PDZRN4: variants seen among roughly 807,000 people sequenced by gnomAD.
PDZRN4 encodes PDZ domain containing ring finger 4.
A neutral mutation model predicts 99.0 loss-of-function variants in PDZRN4; 70 were observed. That is an observed-to-expected ratio of 0.71 (90% confidence interval 0.58 to 0.86). PDZRN4 has a LOEUF of 0.86. Among genes scored for constraint, PDZRN4 ranks in the 40% least tolerant of loss-of-function variants. The pLI, the probability that PDZRN4 is intolerant of heterozygous loss-of-function variation, is 0.00. For synonymous variants in PDZRN4, 551 were observed against 501.6 expected (o/e 1.10, Z -1.32); for missense variants, 1,474 against 1,331.2 (o/e 1.11, Z -1.67).
intron 7 of PDZRN4, among the ~76,000 whole-genome samples, chr12:41,557,480 C>T (rs1289532641): frequency 6.6e-6 from 1 of 152,118 alleles, no homozygotes; most frequent in Non-Finnish European, 1.5e-5. Context: ...TTGGAGCACA[C>T]CATCTCTGTT....
intron 3 of PDZRN4, among the ~76,000 whole-genome samples, chr12:41,227,876 TACACACACACACACAC>T (rs138441771): frequency 6.4e-5 from 6 of 94,226 alleles, no homozygotes; most frequent in South Asian, 4.3e-4. Flanking sequence ...AGCAAAAATC[TACACACACACACACAC>T]ACACACACAC....
intron 3 of PDZRN4, among the ~76,000 whole-genome samples, chr12:41,215,837 G>T (rs1252512147): frequency 7.7e-6 from 1 of 130,494 alleles, no homozygotes; most frequent in South Asian, 2.8e-4. Flanking sequence ...TCATAAACAC[G>T]CTAAGCCTCC....
chr12:41,330,138 T>C (rs1322629045), intron 3 of PDZRN4, among the ~76,000 whole-genome samples: 1 of 152,152 alleles, frequency 6.6e-6, no homozygotes, highest in Non-Finnish European at 1.5e-5. Flanking sequence ...TTTATGTTAC[T>C]TTTATGCTTC....
intron 5 of PDZRN4, among the ~76,000 whole-genome samples, chr12:41,530,618 T>C (rs1938644562): frequency 6.6e-6 from 1 of 152,240 alleles, no homozygotes; most frequent in Admixed American, 6.5e-5. Flanking sequence ...TAGAGTTCTC[T>C]GGGGGAACTC....
intron 3 of PDZRN4, among the ~76,000 whole-genome samples, chr12:41,362,720 AT>A (rs1447344113): frequency 6.6e-6 from 1 of 152,060 alleles, no homozygotes; most frequent in African/African-American, 2.4e-5. Flanking sequence ...CAGGGAAGTG[AT>A]GGGAAGCAGC....
chr12:41,571,374 TCTCACA>T (rs766969501), intron 9 of PDZRN4, among the ~76,000 whole-genome samples: 2,454 of 60,394 alleles, frequency 0.041, 13 homozygotes, highest in East Asian at 0.073. Flanking sequence ...TCTCTCTCTC[TCTCACA>T]CACACACACA....
At chr12:41,267,020 C>A (rs1365326928) in intron 3 of PDZRN4, among the ~76,000 whole-genome samples, 1 of 152,154 alleles carries the variant, frequency 6.6e-6, no homozygotes, top group Non-Finnish European at 1.5e-5. Flanking sequence ...TGCATCAAAG[C>A]ATTCTTTGCT....
At position 41,194,123 on chromosome 12, in the gene PDZRN4, A is replaced by T. The variant is rs537779418; in HGVS notation, c.778A>T (p.Lys260Ter). The T allele has an allele frequency of 6.4e-7, 1 of 1,573,062 alleles. No individual in the cohort carries two copies. The highest frequency in any genetic ancestry group is 1.7e-5 in the Admixed American group (1 of 59,950). Residue 260 changes from lysine (K) to a stop codon, truncating the protein, a stop_gained, in exon 3 of 10, where the codon AAA becomes TAA. Coordinates refer to ENST00000402685, the MANE Select transcript of PDZRN4 (RefSeq NM_001164595.2). LOFTEE classifies it high-confidence loss of function. ...ATCGACTGAAGGAATTTACGTTTCAAAAATTTTAGAAAATGGACCTGCTGA... is the reference window on the plus strand; with the variant it reads ...ATCGACTGAAGGAATTTACGTTTCATAAATTTTAGAAAATGGACCTGCTGA... ...GTSTEGIYVS[K>*]ILENGPADRA...
At chr12:41,326,162 G>A (rs1239776181) in intron 3 of PDZRN4, among the ~76,000 whole-genome samples, 5 of 55,598 alleles carry the variant, frequency 9.0e-5, no homozygotes, top group Non-Finnish European at 1.9e-4. Context: ...TTTTTTTTTA[G>A]AGATGGGGTT....
At chr12:41,216,236 C>T (rs1254831390) in intron 3 of PDZRN4, among the ~76,000 whole-genome samples, 2 of 151,838 alleles carry the variant, frequency 1.3e-5, no homozygotes, top group Non-Finnish European at 2.9e-5. Flanking sequence ...TCTAAATGTT[C>T]TTGATAATGT....
At chr12:41,349,798 T>A (rs1213104290) in intron 3 of PDZRN4, among the ~76,000 whole-genome samples, 1 of 151,950 alleles carries the variant, frequency 6.6e-6, no homozygotes, top group Non-Finnish European at 1.5e-5. Context: ...GGTATATGTA[T>A]ACGGTATGGG....
At position 41,461,381 on chromosome 12, in the gene PDZRN4, G is replaced by T. The variant is rs150518225; in HGVS notation, c.844-45075G>T. ...TCCATCCTCAAATTCTCCACTCTGGGACCAAAAAGCCCCAGGGCATGTTGT... is the reference window on the plus strand; with the variant it reads ...TCCATCCTCAAATTCTCCACTCTGGTACCAAAAAGCCCCAGGGCATGTTGT... On this transcript the variant is annotated intron_variant, in intron 3 of 9. Transcript: ENST00000402685. Among the ~76,000 whole-genome samples the T allele has an allele frequency of 9.9e-5, 15 of 152,126 alleles. No individual in the cohort carries two copies. In the East Asian group the frequency reaches 2.9e-3, roughly 29 times the overall value.
intron 3 of PDZRN4, among the ~76,000 whole-genome samples, chr12:41,456,389 C>T (rs1952816954): frequency 1.3e-5 from 2 of 151,932 alleles, no homozygotes. Flanking sequence ...CACTGCCCTA[C>T]CTCATCTTTA....
At chr12:41,509,533 C>T (rs137928363) in intron 4 of PDZRN4, 8 of 208,880 alleles carry the variant, frequency 3.8e-5, no homozygotes, top group African/African-American at 1.4e-4. Context: ...TAAAGCACCA[C>T]GGACTGTCAG....
In PDZRN4 at chr12:41,206,846, T is replaced by C. The variant is rs973186630; in HGVS notation, c.843+12658T>C. ...TTTTCTCTCGGAGAAAGAGAAGTAA[T>C]TCTGTGTTTCTTTTGACATTATCAT... On this transcript the variant is annotated intron_variant, in intron 3 of 9. Coordinates refer to ENST00000402685, the MANE Select transcript of PDZRN4 (RefSeq NM_001164595.2). Among the ~76,000 whole-genome samples, 3 of 151,958 alleles carry C rather than the reference T, an allele frequency of 2.0e-5. 1 individual carries two copies. The highest frequency in any genetic ancestry group is 4.1e-4 in the South Asian group (2 of 4,832).
chr12:41,480,197 A>C (rs1257986147), intron 3 of PDZRN4, among the ~76,000 whole-genome samples: 1 of 152,020 alleles, frequency 6.6e-6, no homozygotes, highest in Non-Finnish European at 1.5e-5. Flanking sequence ...TGGCCTGTTT[A>C]TTGTCTCTGT....
intron 3 of PDZRN4, among the ~76,000 whole-genome samples, chr12:41,469,763 C>T (rs554334933): frequency 3.6e-4 from 54 of 152,078 alleles, no homozygotes; most frequent in African/African-American, 1.3e-3. Context: ...AACCCCGTCT[C>T]TACTAAAAAT....
At chr12:41,379,970 A>G (rs1952111644) in intron 3 of PDZRN4, among the ~76,000 whole-genome samples, 1 of 151,936 alleles carries the variant, frequency 6.6e-6, no homozygotes, top group Non-Finnish European at 1.5e-5. Context: ...TAAAATTGCT[A>G]TTTATGTCTC....
chr12:41,562,505 T>C (rs1477582029), intron 7 of PDZRN4, among the ~76,000 whole-genome samples: 2 of 152,174 alleles, frequency 1.3e-5, no homozygotes, highest in Non-Finnish European at 2.9e-5. Flanking sequence ...AATACTATTT[T>C]AGACAGAATT....
Sources: allele counts gnomAD v4.1 joint callset (sites outside exome capture counted in the v4.1 genomes callset), GRCh38; gene constraint gnomAD v4.1.1; transcripts MANE v1.5; gene names NCBI Gene and HGNC (gene_info 2026-07-23, HGNC 2026-07-21).